The following EPHA6 variants were observed in gnomAD, a reference collection of about 807,000 sequenced individuals.
EPHA6 encodes EPH receptor A6.
Under a neutral mutation model 112.0 loss-of-function variants are expected in EPHA6, and 50 were observed. The observed-to-expected ratio is 0.45, with a 90% confidence interval of 0.36 to 0.56. The LOEUF is 0.56. Among genes scored for constraint, EPHA6 ranks in the 20% least tolerant of loss-of-function variants. The pLI is 0.00. For missense variants in EPHA6, 1,280 were observed against 1,417.4 expected (o/e 0.90, Z 1.56); for synonymous variants, 529 against 490.7 (o/e 1.08, Z -1.03).
chr3:97,355,900 A>G (rs1479746903), intron 5 of EPHA6, among the ~76,000 whole-genome samples: 1 of 152,246 alleles, frequency 6.6e-6, no homozygotes, highest in Non-Finnish European at 1.5e-5. Context: ...ATCAGACAAA[A>G]TAGATTTCTA....
intron 3 of EPHA6, among the ~76,000 whole-genome samples, chr3:97,125,249 A>G (rs1006164257): frequency 3.3e-5 from 5 of 152,206 alleles, no homozygotes; most frequent in African/African-American, 9.6e-5. Context: ...ATTAACCTTT[A>G]GCTAAGAAAG....
At chr3:96,945,962 C>A (rs553913782) in intron 2 of EPHA6, among the ~76,000 whole-genome samples, 1 of 152,134 alleles carries the variant, frequency 6.6e-6, no homozygotes, top group Admixed American at 6.6e-5. Flanking sequence ...ATATTCCTTG[C>A]CCTAAAAATT....
chr3:97,248,128 A>G (rs2079035466), intron 5 of EPHA6, among the ~76,000 whole-genome samples: 1 of 152,020 alleles, frequency 6.6e-6, no homozygotes, highest in African/African-American at 2.4e-5. Flanking sequence ...AACCACTTAG[A>G]TGTAGTTAGG....
At chr3:97,415,587 A>G (rs1419935771) in intron 6 of EPHA6, among the ~76,000 whole-genome samples, 1 of 152,080 alleles carries the variant, frequency 6.6e-6, no homozygotes, top group Non-Finnish European at 1.5e-5. Flanking sequence ...GACCATATAT[A>G]TCCTTTGATT....
At chr3:97,604,810 A>G (rs1365685686) in intron 12 of EPHA6, among the ~76,000 whole-genome samples, 1 of 151,696 alleles carries the variant, frequency 6.6e-6, no homozygotes, top group Non-Finnish European at 1.5e-5. Flanking sequence ...CTAATTTAGG[A>G]TTAAAAATTA....
intron 3 of EPHA6, among the ~76,000 whole-genome samples, chr3:97,014,943 C>T (rs2044214853): frequency 1.3e-5 from 2 of 152,016 alleles, no homozygotes; most frequent in Non-Finnish European, 1.5e-5. Context: ...GGTTTGTCTT[C>T]TATATATATT....
intron 14 of EPHA6, among the ~76,000 whole-genome samples, chr3:97,639,952 G>GT (rs34823940): frequency 6.8e-4 from 102 of 149,544 alleles, no homozygotes; most frequent in East Asian, 1.6e-3. Flanking sequence ...ATATAATCAA[G>GT]TTTTTTTTTT....
chr3:97,595,041 A>G (rs928770446), intron 12 of EPHA6, among the ~76,000 whole-genome samples: 4 of 152,198 alleles, frequency 2.6e-5, no homozygotes, highest in Non-Finnish European at 5.9e-5. Context: ...TATATATAAT[A>G]GTTTGTGCTT....
intron 1 of EPHA6, among the ~76,000 whole-genome samples, chr3:96,827,959 C>T (rs1448919007): frequency 6.6e-6 from 1 of 151,970 alleles, no homozygotes; most frequent in Non-Finnish European, 1.5e-5. Context: ...GCTAAGAAGA[C>T]AGTTAAAAAT....
intron 3 of EPHA6, among the ~76,000 whole-genome samples, chr3:97,150,984 G>A (rs2076159088): frequency 6.6e-6 from 1 of 151,878 alleles, no homozygotes; most frequent in Non-Finnish European, 1.5e-5. Context: ...TTACTACTTA[G>A]GCACTTGAGA....
At chr3:96,933,479 A>G (rs1412552938) in intron 2 of EPHA6, among the ~76,000 whole-genome samples, 1 of 152,134 alleles carries the variant, frequency 6.6e-6, no homozygotes, top group East Asian at 1.9e-4. Flanking sequence ...GACACAGGCA[A>G]ATATATGGAC....
rs536699617 is a variant in EPHA6 at position 97,321,437 on chromosome 3, A to G, written c.1606+77150A>G. Among the ~76,000 whole-genome samples the G allele has an allele frequency of 5.5e-4, 84 of 152,112 alleles. 2 individuals carry two copies. The highest frequency in any genetic ancestry group is 1.9e-3 in the African/African-American group (79 of 41,462). On this transcript the variant is annotated intron_variant, in intron 5 of 17. Coordinates refer to ENST00000389672, the MANE Select transcript of EPHA6 (RefSeq NM_001080448.3). ...TGGGAGCAATAACACATATATTCAA[A>G]TCAATTACTGGATATTTTCAGAAAT...
chr3:97,300,791 G>A (rs538379608), intron 5 of EPHA6, among the ~76,000 whole-genome samples: 2 of 151,890 alleles, frequency 1.3e-5, no homozygotes, highest in South Asian at 4.1e-4. Flanking sequence ...TAGCAGGCTC[G>A]AAGCATGACC....
At chr3:97,323,441 T>A (rs1265764859) in intron 5 of EPHA6, among the ~76,000 whole-genome samples, 1 of 151,854 alleles carries the variant, frequency 6.6e-6, no homozygotes, top group Non-Finnish European at 1.5e-5. Context: ...GAATGAGGGA[T>A]GGAAGAATAT....
At chr3:97,205,822 A>G (rs1445096216) in intron 3 of EPHA6, among the ~76,000 whole-genome samples, 1 of 152,134 alleles carries the variant, frequency 6.6e-6, no homozygotes, top group African/African-American at 2.4e-5. Flanking sequence ...ATCATCGCTC[A>G]TGATGATCCA....
chr3:96,894,354 G>A (rs1378873337), intron 2 of EPHA6, among the ~76,000 whole-genome samples: 1 of 152,044 alleles, frequency 6.6e-6, no homozygotes, highest in Non-Finnish European at 1.5e-5. Context: ...TAATGCTCCT[G>A]CATATCCTCC....
chr3:97,448,730 A>T lies in EPHA6; in HGVS notation c.1894A>T (p.Thr632Ser). Residue 632 changes from threonine to serine, a missense_variant and splice_region_variant, in exon 7 of 18, where the codon ACT becomes TCT. Thr to Ser is a moderately conservative substitution (Grantham distance 58). Transcript: ENST00000389672. ...ATTTGAATTTGAAACAGGAGATGAAAGTAAGTTTCACACAAGGATATAACA... is the reference window on the plus strand; with the variant it reads ...ATTTGAATTTGAAACAGGAGATGAATGTAAGTTTCACACAAGGATATAACA... ...QKFEFETGDE[T>S]SDMAAEQGQI... 6.2e-7 allele frequency: 1 copy of T among 1,613,136 alleles called. No homozygotes were observed. The highest frequency in any genetic ancestry group is 8.5e-7 in the Non-Finnish European group (1 of 1,179,288).
intron 2 of EPHA6, among the ~76,000 whole-genome samples, chr3:96,977,024 G>C (rs1466160078): frequency 6.6e-6 from 1 of 152,176 alleles, no homozygotes; most frequent in African/African-American, 2.4e-5. Context: ...CAGGGTGTGA[G>C]ATAGAGCTAG....
At chr3:96,857,699 A>G (rs1433453067) in intron 1 of EPHA6, among the ~76,000 whole-genome samples, 1 of 151,140 alleles carries the variant, frequency 6.6e-6, no homozygotes, top group Non-Finnish European at 1.5e-5. Flanking sequence ...CTCTCATTAT[A>G]GACTACTCTG....
Sources: gnomAD v4.1 joint callset for allele counts (sites outside exome capture counted in the v4.1 genomes callset) on GRCh38, gnomAD v4.1.1 for gene constraint, MANE v1.5 for transcripts, NCBI Gene and HGNC (gene_info 2026-07-23, HGNC 2026-07-21) for gene names.